The following IL1RAPL1 variants were observed in gnomAD, a reference collection of about 807,000 sequenced individuals.
IL1RAPL1 encodes interleukin-1 receptor accessory protein-like 1.
Under a neutral mutation model 48.4 loss-of-function variants are expected in IL1RAPL1, and 3 were observed. That is an observed-to-expected ratio of 0.06 (90% CI 0.03 to 0.16). The LOEUF (loss-of-function observed/expected upper bound fraction) is 0.16, where lower values mean the gene tolerates loss of function less well. IL1RAPL1 is among the 10% of genes least tolerant of loss of function. The pLI is 1.00. For missense variants in IL1RAPL1, 349 were observed against 530.6 expected, an observed-to-expected ratio of 0.66 and a Z score of 3.36; for synonymous variants, 185 against 187.7, an observed-to-expected ratio of 0.99 and a Z score of 0.12.
At chrX:29,808,107 C>A (rs1930297973) in intron 6 of IL1RAPL1, among the ~76,000 whole-genome samples, 1 of 111,695 alleles carries the variant, frequency 9.0e-6, no homozygotes, top group African/African-American at 3.2e-5. Flanking sequence ...TCTAACAACT[C>A]AAATTCTGGG....
At chrX:28,638,176 C>T (rs1441415463) in intron 1 of IL1RAPL1, among the ~76,000 whole-genome samples, 1 of 111,694 alleles carries the variant, frequency 9.0e-6, no homozygotes, top group Non-Finnish European at 1.9e-5. Context: ...GAATTTTTTA[C>T]ATCCCTTTAT....
At chrX:29,279,435 C>CAAAAAAAAAAAAAAAAAAA in intron 2 of IL1RAPL1, among the ~76,000 whole-genome samples, 1 of 83,396 alleles carries the variant, frequency 1.2e-5, no homozygotes, top group African/African-American at 4.4e-5. Flanking sequence ...GACTCCATCT[C>CAAAAAAAAAAAAAAAAAAA]AAAAAAAAAA....
At chrX:29,686,183 T>C (rs1206608625) in intron 6 of IL1RAPL1, among the ~76,000 whole-genome samples, 1 of 111,917 alleles carries the variant, frequency 8.9e-6, no homozygotes, top group Non-Finnish European at 1.9e-5. Context: ...AAGATTCTCA[T>C]AGTTTATTGA....
intron 2 of IL1RAPL1, among the ~76,000 whole-genome samples, chrX:29,041,738 A>G (rs999024871): frequency 1.8e-5 from 2 of 112,129 alleles, no homozygotes; most frequent in African/African-American, 6.5e-5. Context: ...CTGAACACCT[A>G]CTTAGGTTCA....
At chrX:29,698,372 C>A (rs769333104) in intron 6 of IL1RAPL1, among the ~76,000 whole-genome samples, 2 of 110,694 alleles carry the variant, frequency 1.8e-5, no homozygotes, top group African/African-American at 6.6e-5. Flanking sequence ...AATATCAAAT[C>A]CTCAATGAGT....
At chrX:28,695,965 A>G (rs1310776971) in intron 1 of IL1RAPL1, among the ~76,000 whole-genome samples, 2 of 111,892 alleles carry the variant, frequency 1.8e-5, no homozygotes, top group Non-Finnish European at 3.8e-5. Flanking sequence ...AAATGTAGGT[A>G]ATTTGATTTA....
intron 2 of IL1RAPL1, among the ~76,000 whole-genome samples, chrX:29,071,512 AC>A (rs1927564403): frequency 8.9e-6 from 1 of 111,905 alleles, no homozygotes; most frequent in East Asian, 2.8e-4. Context: ...TTTTGTTATT[AC>A]TGCCCTTGCC....
chrX:29,821,157 T>C (rs141524048), intron 6 of IL1RAPL1, among the ~76,000 whole-genome samples: 2,857 of 111,845 alleles, frequency 0.026, 85 homozygotes, highest in African/African-American at 0.087. Context: ...CCATTAGTAA[T>C]TGATCATTTC....
chrX:29,540,161 G>A (rs924719565), intron 5 of IL1RAPL1, among the ~76,000 whole-genome samples: 2 of 110,642 alleles, frequency 1.8e-5, no homozygotes, highest in African/African-American at 6.6e-5. Flanking sequence ...CCAAATCAAG[G>A]AGGCAACCCC....
chrX:29,165,312 T>C (rs1349241676), intron 2 of IL1RAPL1, among the ~76,000 whole-genome samples: 3 of 111,099 alleles, frequency 2.7e-5, no homozygotes, highest in Non-Finnish European at 5.7e-5. Flanking sequence ...AGAGCAAAAC[T>C]TCATCTCAAA....
intron 5 of IL1RAPL1, among the ~76,000 whole-genome samples, chrX:29,440,495 C>T (rs760482311): frequency 1.8e-5 from 2 of 111,595 alleles, no homozygotes; most frequent in Non-Finnish European, 3.8e-5. Context: ...TACTTTCAAT[C>T]ACTCCTTGTC....
At position 29,583,188 on chromosome X, in the gene IL1RAPL1, A is replaced by G. The variant is rs1923036040; in HGVS notation, c.704-85242A>G. ...AGGGATGCCCTCTCTCACCGCTCCT[A>G]TTCAACATAGTGTTGGAAGTTCTGG... On this transcript the variant is annotated intron_variant, in intron 5 of 10. Coordinates refer to ENST00000378993, the MANE Select transcript of IL1RAPL1 (RefSeq NM_014271.4). 3.4e-5 allele frequency among the ~76,000 whole-genome samples: 3 copies of G among 87,548 alleles called. No individual in the cohort carries two copies. In the South Asian group the frequency reaches 2.1e-3, roughly 61 times the overall value. The allele number at this position is 87,548 out of a possible 115,157, so 76.0% of individuals were successfully genotyped here.
chrX:28,994,329 A>G (rs962308369), intron 2 of IL1RAPL1, among the ~76,000 whole-genome samples: 1 of 111,785 alleles, frequency 8.9e-6, no homozygotes, highest in East Asian at 2.8e-4. Flanking sequence ...GAATAGGCAG[A>G]TATAGGAAGC....
chrX:29,637,293 T>TATATATATATATATAG (rs1925002150), intron 5 of IL1RAPL1, among the ~76,000 whole-genome samples: 1 of 106,130 alleles, frequency 9.4e-6, no homozygotes, highest in African/African-American at 3.4e-5. Context: ...TATATATATA[T>TATATATATATATATAG]ATATATACAC....
rs1934296887 is a variant in IL1RAPL1 at position 28,622,611 on chromosome X, G to T, written c.-25+34564G>T. Among the ~76,000 whole-genome samples the T allele has an allele frequency of 2.7e-5, 3 of 111,713 alleles. No homozygotes were observed. The South Asian group carries it at 1.1e-3, about 41-fold the overall frequency. On this transcript the variant is annotated intron_variant, in intron 1 of 10. Transcript: ENST00000378993. The stretch of plus-strand genomic sequence containing the variant: ...GCTCTATCACAAAGTTCTAAAAGCA[G>T]CCATGGAACCTATGCATTTTTTCAT...
Position 29,417,537 on chromosome X carries a change from AT to A in IL1RAPL1, c.703+18232del, listed in dbSNP as rs1025992294. On this transcript the variant is annotated intron_variant, in intron 5 of 10. Coordinates refer to ENST00000378993, the MANE Select transcript of IL1RAPL1 (RefSeq NM_014271.4). ...CCTTAATTAGAAGACCTTACTGTAT[AT>A]TTCTTTATCATTTGTTGGGTTGATC... Among the ~76,000 whole-genome samples the A allele has an allele frequency of 3.6e-5, 4 of 111,786 alleles. No homozygotes were observed. The Admixed American group carries it at 3.8e-4, about 11-fold the overall frequency.
At chrX:28,779,630 G>A (rs866581834) in intron 1 of IL1RAPL1, among the ~76,000 whole-genome samples, 20 of 61,138 alleles carry the variant, frequency 3.3e-4, no homozygotes, top group African/African-American at 8.6e-4. Flanking sequence ...GTGTGTGTGT[G>A]TGTGTATATA....
At chrX:29,127,505 C>G (rs1200750105) in intron 2 of IL1RAPL1, among the ~76,000 whole-genome samples, 1 of 112,024 alleles carries the variant, frequency 8.9e-6, no homozygotes, top group Non-Finnish European at 1.9e-5. Context: ...AGTAGTACTG[C>G]TCTTTGCGTC....
At chrX:29,683,336 C>G (rs1316428710) in intron 6 of IL1RAPL1, among the ~76,000 whole-genome samples, 1 of 111,924 alleles carries the variant, frequency 8.9e-6, no homozygotes, top group African/African-American at 3.2e-5. Flanking sequence ...CCCAAGACGC[C>G]AAGACTTCCT....
Sources: allele counts gnomAD v4.1 joint callset (sites outside exome capture counted in the v4.1 genomes callset), GRCh38; gene constraint gnomAD v4.1.1; transcripts MANE v1.5; gene names NCBI Gene and HGNC (gene_info 2026-07-23, HGNC 2026-07-21).